C1orf21: variants seen among roughly 807,000 people sequenced by gnomAD.
C1orf21 encodes the protein chromosome 1 open reading frame 21.
Under a neutral mutation model 18.7 loss-of-function variants are expected in C1orf21, and 3 were observed. The ratio of observed to expected loss-of-function variants is 0.16; its 90% CI spans 0.07 to 0.42. The LOEUF (loss-of-function observed/expected upper bound fraction) is 0.42. C1orf21 is among the 10% of genes least tolerant of loss of function. The probability of loss-of-function intolerance (pLI) is 0.99; values close to 1 mark genes in which losing one functional copy is unlikely to be tolerated. For synonymous variants in C1orf21, 41 were observed against 46.4 expected, an observed-to-expected ratio of 0.88 and a Z score of 0.47; for missense variants, 104 against 143.6, an observed-to-expected ratio of 0.72 and a Z score of 1.41.
chr1:184,531,833 T>G (rs1298476030), intron 3 of C1orf21, among the ~76,000 whole-genome samples: 6 of 152,178 alleles, frequency 3.9e-5, no homozygotes, highest in African/African-American at 1.4e-4. Context: ...ACAGCTGAGA[T>G]TGTATATCAG....
chr1:184,449,151 T>C (rs577350536), intron 1 of C1orf21, among the ~76,000 whole-genome samples: 3 of 152,212 alleles, frequency 2.0e-5, no homozygotes, highest in Middle Eastern at 3.4e-3. Flanking sequence ...CTGCACCCAT[T>C]AACTCGTCAT....
At chr1:184,615,800 AT>A (rs1437863616) in intron 5 of C1orf21, among the ~76,000 whole-genome samples, 1 of 152,092 alleles carries the variant, frequency 6.6e-6, no homozygotes, top group Non-Finnish European at 1.5e-5. Context: ...TTACTTATTT[AT>A]TTTTAAAATG....
chr1:184,458,106 C>G (rs921283449), intron 1 of C1orf21, among the ~76,000 whole-genome samples: 49 of 152,080 alleles, frequency 3.2e-4, no homozygotes, highest in African/African-American at 1.2e-3. Context: ...AATCTGACTC[C>G]AAAGCCTACG....
chr1:184,543,639 A>T (rs566171960), intron 3 of C1orf21, among the ~76,000 whole-genome samples: 1 of 152,174 alleles, frequency 6.6e-6, no homozygotes, highest in African/African-American at 2.4e-5. Context: ...TAAAAATGTT[A>T]TCACTTCTGG....
intron 1 of C1orf21, among the ~76,000 whole-genome samples, chr1:184,444,466 T>C (rs972505478): frequency 2.6e-5 from 4 of 152,144 alleles, no homozygotes; most frequent in Non-Finnish European, 5.9e-5. Flanking sequence ...GCTGCCACCA[T>C]GTAAGAAGTG....
intron 1 of C1orf21, among the ~76,000 whole-genome samples, chr1:184,410,663 A>ATATTTTTTT (rs67546366): frequency 3.9e-4 from 3 of 7,668 alleles, no homozygotes; most frequent in Non-Finnish European, 5.8e-4. Flanking sequence ...ATATATATAT[A>ATATTTTTTT]TTTTTTTTTT....
At chr1:184,604,270 G>C (rs980488824) in intron 5 of C1orf21, among the ~76,000 whole-genome samples, 2 of 152,134 alleles carry the variant, frequency 1.3e-5, no homozygotes, top group Non-Finnish European at 2.9e-5. Flanking sequence ...GAAAACCTGG[G>C]ACTGTCACGT....
intron 2 of C1orf21, among the ~76,000 whole-genome samples, chr1:184,506,976 CATATATATGAAATAAAT>C (rs938043018): frequency 3.0e-4 from 45 of 150,422 alleles, no homozygotes; most frequent in South Asian, 2.3e-3. Flanking sequence ...TGTATATATA[CATATATATGAAATAAAT>C]ATATATATGA....
At chr1:184,495,220 C>A (rs191403650) in intron 2 of C1orf21, among the ~76,000 whole-genome samples, 1 of 152,168 alleles carries the variant, frequency 6.6e-6, no homozygotes. Flanking sequence ...GCCTTCCCCC[C>A]GCAACATAGA....
rs543302748 is a variant in C1orf21, at chr1:184,591,927, C to T, written c.266+1112C>T. Among the ~76,000 whole-genome samples, 324 of 152,128 alleles carry T rather than the reference C, an allele frequency of 2.1e-3. 1 individual carries two copies. The highest frequency in any genetic ancestry group is 3.4e-3 in the Middle Eastern group (1 of 294). On this transcript the variant is annotated intron_variant, in intron 4 of 5. Coordinates refer to ENST00000235307, the MANE Select transcript of C1orf21 (RefSeq NM_030806.4). Reference sequence around the variant, plus strand: ...TACACATATCATGATGGAGGAATCTCATAAGGATGAGGCAGTAGAGTAAGC... The same window carrying T: ...TACACATATCATGATGGAGGAATCTTATAAGGATGAGGCAGTAGAGTAAGC...
intron 3 of C1orf21, among the ~76,000 whole-genome samples, chr1:184,526,302 A>G (rs527985975): frequency 2.0e-5 from 3 of 152,338 alleles, no homozygotes; most frequent in Admixed American, 6.5e-5. Context: ...AAAACTGAAC[A>G]ATAGAATCAG....
chr1:184,405,762 G>A (rs1214756053), intron 1 of C1orf21, among the ~76,000 whole-genome samples: 1 of 152,162 alleles, frequency 6.6e-6, no homozygotes, highest in Non-Finnish European at 1.5e-5. Context: ...CTCTAGCTTT[G>A]GAGATGACTG....
chr1:184,543,366 C>A (rs1658685609), intron 3 of C1orf21, among the ~76,000 whole-genome samples: 1 of 152,096 alleles, frequency 6.6e-6, no homozygotes, highest in Non-Finnish European at 1.5e-5. Flanking sequence ...AAATCTTTCT[C>A]TGACCATTGT....
intron 3 of C1orf21, among the ~76,000 whole-genome samples, chr1:184,565,681 GT>G (rs1364802637): frequency 6.6e-6 from 1 of 152,230 alleles, no homozygotes; most frequent in Non-Finnish European, 1.5e-5. Context: ...CACGAAGTCA[GT>G]TTCCTCTGAA....
chr1:184,601,771 C>G (rs895163050), intron 5 of C1orf21, among the ~76,000 whole-genome samples: 1 of 151,990 alleles, frequency 6.6e-6, no homozygotes, highest in Non-Finnish European at 1.5e-5. Flanking sequence ...CGTGGTGGCA[C>G]ACGCCTGTAG....
chr1:184,476,886 A>T (rs751869376), intron 1 of C1orf21, among the ~76,000 whole-genome samples: 1 of 152,166 alleles, frequency 6.6e-6, no homozygotes, highest in African/African-American at 2.4e-5. Context: ...CCCATGTACC[A>T]GTCTGAGGAG....
chr1:184,512,492 G>A (rs1006168617), intron 3 of C1orf21, among the ~76,000 whole-genome samples: 5 of 152,156 alleles, frequency 3.3e-5, no homozygotes, highest in African/African-American at 1.2e-4. Flanking sequence ...TGATTTATAT[G>A]TCAGTCATTT....
At chr1:184,494,028 G>T (rs1657854521) in intron 2 of C1orf21, among the ~76,000 whole-genome samples, 1 of 152,154 alleles carries the variant, frequency 6.6e-6, no homozygotes, top group Admixed American at 6.5e-5. Flanking sequence ...CATTCTAGCA[G>T]GTAATAAAGG....
At chr1:184,424,310 C>T (rs990497853) in intron 1 of C1orf21, among the ~76,000 whole-genome samples, 2 of 152,160 alleles carry the variant, frequency 1.3e-5, no homozygotes, top group African/African-American at 2.4e-5. Flanking sequence ...ATTTACAATT[C>T]ATATCTCAGC....
Sources: allele counts gnomAD v4.1 joint callset (sites outside exome capture counted in the v4.1 genomes callset), GRCh38; gene constraint gnomAD v4.1.1; transcripts MANE v1.5; gene names NCBI Gene and HGNC (gene_info 2026-07-23, HGNC 2026-07-21).